The following KLHL1 variants were observed in gnomAD, a reference collection of about 807,000 sequenced individuals.
The protein encoded by KLHL1 is kelch-like protein 1.
A neutral mutation model predicts 77.7 loss-of-function variants in KLHL1; 47 were observed. That is an observed-to-expected ratio of 0.60 (90% CI 0.48 to 0.77). The LOEUF (loss-of-function observed/expected upper bound fraction) is 0.77, where lower values mean the gene tolerates loss of function less well. Ranked by LOEUF, KLHL1 falls within the 30% of genes least tolerant of loss-of-function variation. The pLI is 0.00. For synonymous variants in KLHL1, 360 were observed against 325.2 expected (o/e 1.11, Z -1.15); for missense variants, 925 against 910.8 (o/e 1.02, Z -0.20).
chr13:69,882,519 A>C (rs1426897655), intron 4 of KLHL1, 24 bp from the exon 5 acceptor site: 9 of 1,539,464 alleles, frequency 5.8e-6, no homozygotes, highest in Non-Finnish European at 8.1e-6. Flanking sequence ...ATATCTTGGC[A>C]TAAATTCTGT....
chr13:69,757,655 A>G (rs1466130005), intron 7 of KLHL1, among the ~76,000 whole-genome samples: 1 of 152,156 alleles, frequency 6.6e-6, no homozygotes, highest in African/African-American at 2.4e-5. Context: ...GTACTTAATC[A>G]AATAAGATCA....
chr13:70,047,306 A>G (rs952460223), intron 1 of KLHL1, among the ~76,000 whole-genome samples: 1 of 151,926 alleles, frequency 6.6e-6, no homozygotes, highest in African/African-American at 2.4e-5. Flanking sequence ...ACAAAGACAA[A>G]AACAAAAACA....
At chr13:70,047,667 G>T (rs1886536234) in intron 1 of KLHL1, among the ~76,000 whole-genome samples, 1 of 151,992 alleles carries the variant, frequency 6.6e-6, no homozygotes, top group Admixed American at 6.6e-5. Flanking sequence ...TCTGAACACG[G>T]TGCTTTAAAC....
At chr13:69,897,514 C>T (rs981072506) in intron 4 of KLHL1, among the ~76,000 whole-genome samples, 4 of 152,152 alleles carry the variant, frequency 2.6e-5, no homozygotes, top group Admixed American at 6.5e-5. Context: ...ATCCTTGAAA[C>T]GTAGTTATAC....
chr13:69,711,751 A>C (rs867768901), intron 9 of KLHL1, among the ~76,000 whole-genome samples: 1 of 152,122 alleles, frequency 6.6e-6, no homozygotes, highest in South Asian at 2.1e-4. Flanking sequence ...AAGAGAGTGT[A>C]TACTTTGAAG....
At chr13:69,747,642 G>A in intron 7 of KLHL1, among the ~76,000 whole-genome samples, 1 of 151,848 alleles carries the variant, frequency 6.6e-6, no homozygotes, top group East Asian at 1.9e-4. Context: ...ATATAAAAAT[G>A]TTCAATAGAA....
At chr13:69,748,491 C>T (rs941087957) in intron 7 of KLHL1, among the ~76,000 whole-genome samples, 3 of 151,870 alleles carry the variant, frequency 2.0e-5, no homozygotes, top group Non-Finnish European at 4.4e-5. Context: ...TGGGGGAAAC[C>T]GCCCCCATGA....
At chr13:69,929,607 T>C (rs1455457436) in intron 4 of KLHL1, among the ~76,000 whole-genome samples, 1 of 151,890 alleles carries the variant, frequency 6.6e-6, no homozygotes, top group East Asian at 1.9e-4. Flanking sequence ...TATCATCTCA[T>C]ATATTATTTT....
At chr13:70,016,886 C>T (rs1462344709) in intron 1 of KLHL1, among the ~76,000 whole-genome samples, 1 of 152,102 alleles carries the variant, frequency 6.6e-6, no homozygotes, top group Non-Finnish European at 1.5e-5. Flanking sequence ...GCATGTACTT[C>T]CTCCTTTCTG....
At chr13:69,929,003 C>T (rs979492201) in intron 4 of KLHL1, among the ~76,000 whole-genome samples, 7 of 151,978 alleles carry the variant, frequency 4.6e-5, no homozygotes, top group Non-Finnish European at 1.0e-4. Context: ...ATCTCTTATG[C>T]TCAAATAATG....
At chr13:69,898,910 A>C (rs916230844) in intron 4 of KLHL1, among the ~76,000 whole-genome samples, 3 of 152,198 alleles carry the variant, frequency 2.0e-5, no homozygotes, top group Admixed American at 2.0e-4. Context: ...TGCTGTATTC[A>C]GTCTTTGGTG....
chr13:70,033,442 A>G (rs1886158926), intron 1 of KLHL1, among the ~76,000 whole-genome samples: 1 of 151,772 alleles, frequency 6.6e-6, no homozygotes, highest in Admixed American at 6.6e-5. Flanking sequence ...GGTGCCCACC[A>G]CCACGCCTGG....
At chr13:69,958,468 T>G (rs59082732) in intron 3 of KLHL1, among the ~76,000 whole-genome samples, 19,402 of 151,766 alleles carry the variant, frequency 0.13, 1,912 homozygotes, top group East Asian at 0.29. Flanking sequence ...ACTATAATCA[T>G]TGAAGCTTAT....
Position 69,882,541 on chromosome 13 carries a change from T to G in KLHL1, c.1015-46A>C, listed in dbSNP as rs778571487. ...GGCATAAATTCTGTTTCACTTTTAT[T>G]TAGCTAGTAAAGCATTTCAGAAAGA... On this transcript the variant is annotated intron_variant, in intron 4 of 10. Coordinates refer to ENST00000377844, the MANE Select transcript of KLHL1 (RefSeq NM_020866.3). 2.2e-6 allele frequency: 3 copies of G among 1,342,526 alleles called. No homozygotes were observed. In the Admixed American group the frequency reaches 5.2e-5, roughly 23 times the overall value. The allele number at this position is 1,342,526 out of a possible 1,614,324, so 83.2% of individuals were successfully genotyped here. A position where few individuals can be genotyped will look rare whatever the true frequency, so the allele number is the denominator to read the frequency against.
intron 4 of KLHL1, among the ~76,000 whole-genome samples, chr13:69,915,793 A>C (rs1677413135): frequency 6.6e-6 from 1 of 152,084 alleles, no homozygotes; most frequent in Non-Finnish European, 1.5e-5. Flanking sequence ...AACTACCATC[A>C]GAGTGAAAAG....
intron 4 of KLHL1, chr13:69,894,879 T>C (rs1192358232): frequency 2.7e-5 from 8 of 299,834 alleles, no homozygotes; most frequent in South Asian, 3.8e-5. Flanking sequence ...TCACCCTAAC[T>C]AGCACCTCTA....
At chr13:70,055,344 A>C (rs1886720559) in intron 1 of KLHL1, among the ~76,000 whole-genome samples, 1 of 152,136 alleles carries the variant, frequency 6.6e-6, no homozygotes, top group Non-Finnish European at 1.5e-5. Flanking sequence ...AACATTAAGA[A>C]AAAATAAGGA....
chr13:70,047,243 T>C (rs1295768645), intron 1 of KLHL1, among the ~76,000 whole-genome samples: 1 of 150,310 alleles, frequency 6.7e-6, no homozygotes, highest in Non-Finnish European at 1.5e-5. Flanking sequence ...TTGACCAGCT[T>C]GATTTAAAAA....
At chr13:69,961,212 A>G in intron 3 of KLHL1, 96 bp downstream of exon 3, 1 of 1,171,590 alleles carries the variant, frequency 8.5e-7, no homozygotes, top group South Asian at 1.6e-5. Flanking sequence ...TACAGAATAC[A>G]GAATTTTTTT....
Sources: allele counts gnomAD v4.1 joint callset (sites outside exome capture counted in the v4.1 genomes callset), GRCh38; gene constraint gnomAD v4.1.1; transcripts MANE v1.5; gene names NCBI Gene and HGNC (gene_info 2026-07-23, HGNC 2026-07-21).